Variants in MAPKAPK3 observed in about 807,000 individuals in gnomAD.
MAPKAPK3 encodes the protein MAPK activated protein kinase 3, also known as MAP kinase-activated protein kinase 3.
MAPKAPK3 carries 35 observed loss-of-function variants against 49.2 expected under a neutral mutation model. That is an observed-to-expected ratio of 0.71 (90% CI 0.54 to 0.94). The LOEUF is 0.94. Among genes scored for constraint, MAPKAPK3 ranks in the 40% least tolerant of loss-of-function variants. The pLI is 0.00. For synonymous variants in MAPKAPK3, 178 were observed against 188.7 expected (o/e 0.94, Z 0.46); for missense variants, 398 against 493.1 (o/e 0.81, Z 1.83).
At chr3:50,618,503 G>A (rs921454580) in intron 2 of MAPKAPK3, among the ~76,000 whole-genome samples, 11 of 152,112 alleles carry the variant, frequency 7.2e-5, no homozygotes, top group Admixed American at 5.9e-4. Flanking sequence ...TGCTGGGGGC[G>A]GGTACCTGGT....
intron 10 of MAPKAPK3, 90 bp downstream of exon 10, chr3:50,647,293 T>A: frequency 9.4e-7 from 1 of 1,065,106 alleles, no homozygotes; most frequent in Non-Finnish European, 1.4e-6. Flanking sequence ...TCTGGGGTCT[T>A]TGGCCCCTTT....
chr3:50,627,184 C>CAAAA (rs144747460), intron 2 of MAPKAPK3, among the ~76,000 whole-genome samples: 1 of 91,322 alleles, frequency 1.1e-5, no homozygotes. Context: ...AACTCCATCT[C>CAAAA]AAAAAAAAAA....
At position 50,642,296 on chromosome 3, in the gene MAPKAPK3, T is replaced by G; in HGVS notation, c.468T>G (p.Phe156Leu). The G allele has an allele frequency of 6.2e-7, 1 of 1,613,484 alleles. No individual in the cohort carries two copies. Among genetic ancestry groups the G allele is most frequent in the Non-Finnish European group, 8.5e-7 (1 of 1,179,962 alleles). ...GGGATATTGGCACTGCCATCCAGTTTCTGCACAGCCATAACATTGCCCACC... is the reference window on the plus strand; with the variant it reads ...GGGATATTGGCACTGCCATCCAGTTGCTGCACAGCCATAACATTGCCCACC... ...IMRDIGTAIQ[F>L]LHSHNIAHRD... Residue 156 changes from phenylalanine to leucine, a missense_variant, in exon 5 of 11, where the codon TTT becomes TTG. Physicochemically the swap from Phe to Leu is conservative, Grantham distance 22. This residue lies in a region of MAPKAPK3 where 41 missense variants were observed against 35.8 expected (regional missense o/e 1.15). Transcript: ENST00000621469.
chr3:50,635,975 G>A (rs545725835), intron 2 of MAPKAPK3, among the ~76,000 whole-genome samples: 3 of 150,644 alleles, frequency 2.0e-5, no homozygotes, highest in Non-Finnish European at 4.4e-5. Context: ...AGCCAGGTGT[G>A]GTGGCATGCA....
intron 2 of MAPKAPK3, among the ~76,000 whole-genome samples, chr3:50,624,683 C>T (rs182137624): frequency 9.3e-4 from 142 of 152,294 alleles, no homozygotes; most frequent in Non-Finnish European, 1.1e-3. Context: ...CTGCTGGGGA[C>T]ATCATCATGG....
rs2033030022 is a variant in MAPKAPK3, at chr3:50,635,944, A to AC, written c.220-4422_220-4421insC. On this transcript the variant is annotated intron_variant, in intron 2 of 10. Coordinates refer to ENST00000621469, the MANE Select transcript of MAPKAPK3 (RefSeq NM_001243925.2). Reference sequence around the variant, plus strand: ...CCAAAAAAAAAAAAAAAAAAAAAAAAAACCAAAAAAAAAAAAAATTAGCCA... The same window carrying AC: ...CCAAAAAAAAAAAAAAAAAAAAAAAACAACCAAAAAAAAAAAAAATTAGCCA... Among the ~76,000 whole-genome samples the AC allele has an allele frequency of 3.4e-5, 5 of 148,920 alleles. No individual in the cohort carries two copies. In the East Asian group the frequency reaches 1.0e-3, roughly 30 times the overall value.
chr3:50,642,842 G>T (rs74710003), intron 5 of MAPKAPK3, among the ~76,000 whole-genome samples: 1 of 152,048 alleles, frequency 6.6e-6, no homozygotes, highest in East Asian at 1.9e-4. Flanking sequence ...GGTTTTTTTT[G>T]TTTTGTTTTA....
chr3:50,639,844 T>C (rs1382534154), intron 2 of MAPKAPK3, among the ~76,000 whole-genome samples: 1 of 152,112 alleles, frequency 6.6e-6, no homozygotes, highest in East Asian at 1.9e-4. Context: ...CACTTACATT[T>C]CTCATAGATG....
chr3:50,635,023 C>T (rs1471946582), intron 2 of MAPKAPK3, among the ~76,000 whole-genome samples: 1 of 152,196 alleles, frequency 6.6e-6, no homozygotes, highest in African/African-American at 2.4e-5. Flanking sequence ...ATAGCCCAAG[C>T]CCTACAGCTT....
chr3:50,622,076 C>G (rs2032623695), intron 2 of MAPKAPK3, among the ~76,000 whole-genome samples: 1 of 152,202 alleles, frequency 6.6e-6, no homozygotes, highest in South Asian at 2.1e-4. Context: ...GGGCTGCTGC[C>G]TCTGGGACAG....
exon 1 of MAPKAPK3, chr3:50,612,008 T>G (rs1023306228): frequency 3.4e-6 from 1 of 294,804 alleles, no homozygotes; most frequent in African/African-American, 2.2e-5. Flanking sequence ...CCAAGAACTT[T>G]CCAGGAAAAC....
intron 5 of MAPKAPK3, 127 bp downstream of exon 5, chr3:50,642,459 CTG>C (rs774317534): frequency 1.3e-5 from 9 of 699,746 alleles, no homozygotes; most frequent in East Asian, 7.8e-5. Context: ...AGCCTCTGCT[CTG>C]TGTCCCAGAC....
upstream of MAPKAPK3, chr3:50,612,695 T>A (rs2032364956): frequency 6.6e-6 from 1 of 151,846 alleles, no homozygotes; most frequent in South Asian, 2.1e-4. Context: ...TGGCCCGGAC[T>A]CTGGGTTGGT....
Position 50,617,796 on chromosome 3 carries a change from C to G in MAPKAPK3, c.219+12C>G. The G allele has an allele frequency of 6.2e-7, 1 of 1,607,166 alleles. No homozygotes were observed. The highest frequency in any genetic ancestry group is 8.5e-7 in the Non-Finnish European group (1 of 1,174,714). ...AGTGTGCCCTGAAGGTCAGTGAGCCCTCACTGAGGCCTGGGGTATCCTGGA... is the reference window on the plus strand; with the variant it reads ...AGTGTGCCCTGAAGGTCAGTGAGCCGTCACTGAGGCCTGGGGTATCCTGGA... On this transcript the variant is annotated intron_variant, in intron 2 of 10. Transcript: ENST00000621469.
chr3:50,648,227 T>G lies in MAPKAPK3; in HGVS notation c.*181T>G. 7.5e-5 allele frequency: 48 copies of G among 637,554 alleles called. No homozygotes were observed. Among genetic ancestry groups the G allele is most frequent in the Non-Finnish European group, 1.0e-4 (38 of 380,248 alleles). The allele number at this position is 637,554 out of a possible 1,614,324, so 39.5% of individuals were successfully genotyped here. On this transcript the variant is annotated 3_prime_UTR_variant, in exon 11 of 11. Transcript: ENST00000621469. ...TGACCCTAAACCTCCTTCAGATCTCTGGCCCAGGCTCAAGCCCTAGAGATG... is the reference window on the plus strand; with the variant it reads ...TGACCCTAAACCTCCTTCAGATCTCGGGCCCAGGCTCAAGCCCTAGAGATG...
At chr3:50,617,328 C>G (rs1049585182) in intron 1 of MAPKAPK3, 87 bp downstream of exon 1, 5 of 420,548 alleles carry the variant, frequency 1.2e-5, no homozygotes, top group African/African-American at 1.0e-4. Context: ...TTGACACGTG[C>G]CCGGGCGGTG....
intron 3 of MAPKAPK3, 119 bp downstream of exon 3, chr3:50,640,624 C>A: frequency 1.6e-6 from 2 of 1,284,680 alleles, no homozygotes; most frequent in Non-Finnish European, 2.1e-6. Context: ...GCCACTGTAG[C>A]CCCTGAGGGG....
intron 8 of MAPKAPK3, 24 bp from the exon 9 acceptor site, chr3:50,646,716 C>T (rs2033307261): frequency 6.3e-7 from 1 of 1,582,848 alleles, no homozygotes; most frequent in Non-Finnish European, 8.7e-7. Context: ...CTCATCTCTC[C>T]CCTCTCTTCC....
At chr3:50,624,784 G>A (rs1232703351) in intron 2 of MAPKAPK3, among the ~76,000 whole-genome samples, 2 of 152,166 alleles carry the variant, frequency 1.3e-5, no homozygotes, top group African/African-American at 4.8e-5. Flanking sequence ...TAATGGTGAA[G>A]GCCCATGGGC....
Sources: allele counts gnomAD v4.1 joint callset (sites outside exome capture counted in the v4.1 genomes callset), GRCh38; gene constraint gnomAD v4.1.1; regional missense constraint gnomAD v4.1.1; transcripts MANE v1.5; gene names NCBI Gene and HGNC (gene_info 2026-07-23, HGNC 2026-07-21).